Variants in CSDC2 observed in about 807,000 individuals in gnomAD.
CSDC2 encodes cold shock domain-containing protein C2.
In CSDC2, 8 loss-of-function variants were observed where a neutral mutation model predicts 15.8. That is an observed-to-expected ratio of 0.51 (90% CI 0.30 to 0.92). CSDC2 has a LOEUF of 0.92. Among genes scored for constraint, CSDC2 ranks in the 40% least tolerant of loss-of-function variants. CSDC2 has a pLI of 0.07. For missense variants in CSDC2, 195 were observed against 213.3 expected, an observed-to-expected ratio of 0.91 and a Z score of 0.53; for synonymous variants, 96 against 92.3, an observed-to-expected ratio of 1.04 and a Z score of -0.23.
chr22:41,576,650 C>A lies in CSDC2; in HGVS notation c.*1755C>A, dbSNP rs1319184004. 6.3e-6 allele frequency: 1 copy of A among 158,274 alleles called. No homozygotes were observed. Among genetic ancestry groups the A allele is most frequent in the African/African-American group, 2.4e-5 (1 of 41,460 alleles). 9.8% of individuals were successfully genotyped at this position (158,274 alleles called of 1,614,324 possible). On this transcript the variant is annotated 3_prime_UTR_variant, in exon 4 of 4. Coordinates refer to ENST00000306149, the MANE Select transcript of CSDC2 (RefSeq NM_014460.4). ...ATTCTTCCTAACACTGGCAATAAAC[C>A]CTCAACTGTGACCCACCGTGGCCTG...
At chr22:41,561,919 C>A (rs1281166252) in intron 1 of CSDC2, among the ~76,000 whole-genome samples, 1 of 152,176 alleles carries the variant, frequency 6.6e-6, no homozygotes, top group Non-Finnish European at 1.5e-5. Flanking sequence ...TGGTGCCAAG[C>A]CCATGAATGG....
chr22:41,565,495 C>T (rs2067109651), intron 1 of CSDC2, among the ~76,000 whole-genome samples: 1 of 149,746 alleles, frequency 6.7e-6, no homozygotes, highest in Admixed American at 6.6e-5. Flanking sequence ...GGCACAGTGA[C>T]TCACACTGTA....
intron 2 of CSDC2, 101 bp downstream of exon 2, chr22:41,572,242 G>A (rs764555852): frequency 2.9e-4 from 304 of 1,054,786 alleles, no homozygotes; most frequent in Non-Finnish European, 3.5e-4. Flanking sequence ...TGGGACAGGG[G>A]AACTGTGTGT....
intron 1 of CSDC2, among the ~76,000 whole-genome samples, chr22:41,564,477 G>A (rs1601990894): frequency 6.6e-6 from 1 of 151,916 alleles, no homozygotes; most frequent in African/African-American, 2.4e-5. Flanking sequence ...AGCCAGGATG[G>A]TCTCAATCTC....
rs751752240 is a variant in CSDC2, at chr22:41,570,283, T to A, written c.-123-1560T>A. Among the ~76,000 whole-genome samples, 4 of 152,204 alleles carry A rather than the reference T, an allele frequency of 2.6e-5. 1 individual carries two copies. Among genetic ancestry groups the A allele is most frequent in the Non-Finnish European group, 5.9e-5 (4 of 67,992 alleles). ...CTTCCTGACTGGAGGGGGAGGGTTT[T>A]GGGAGGAGGGAGGATACTACTCCAC... On this transcript the variant is annotated intron_variant, in intron 1 of 3. Coordinates refer to ENST00000306149, the MANE Select transcript of CSDC2 (RefSeq NM_014460.4).
At chr22:41,563,915 C>CAA (rs1293335770) in intron 1 of CSDC2, among the ~76,000 whole-genome samples, 40 of 124,856 alleles carry the variant, frequency 3.2e-4, no homozygotes, top group African/African-American at 1.1e-3. Flanking sequence ...ACTAAAAATA[C>CAA]AAAAAAAAAA....
rs2067173772 is a variant in CSDC2, at chr22:41,576,067, C to T, written c.*1172C>T. 1 of 152,256 alleles carries T rather than the reference C, an allele frequency of 6.6e-6. No homozygotes were observed. The highest frequency in any genetic ancestry group is 6.5e-5 in the Admixed American group (1 of 15,288). The allele number at this position is 152,256 out of a possible 1,614,324, so 9.4% of individuals were successfully genotyped here. On this transcript the variant is annotated 3_prime_UTR_variant, in exon 4 of 4. Transcript: ENST00000306149. ...GGTGCACCCCCTGCCTACCACCCTC[C>T]CTTCTAGAGAGCACATCGCCTGACC...
chr22:41,566,143 T>TAA (rs35579661), intron 1 of CSDC2, among the ~76,000 whole-genome samples: 4 of 103,302 alleles, frequency 3.9e-5, no homozygotes, highest in African/African-American at 7.5e-5. Context: ...CATCTCTGAT[T>TAA]AAAAAAAAAA....
chr22:41,562,605 A>T (rs920104974), intron 1 of CSDC2, among the ~76,000 whole-genome samples: 4 of 152,054 alleles, frequency 2.6e-5, no homozygotes, highest in African/African-American at 9.7e-5. Flanking sequence ...GACACCTGCC[A>T]GCCAGTCTGG....
chr22:41,564,423 G>C (rs922579561), intron 1 of CSDC2, among the ~76,000 whole-genome samples: 4 of 151,822 alleles, frequency 2.6e-5, no homozygotes, highest in Non-Finnish European at 5.9e-5. Context: ...ACCACGCCCA[G>C]TTAATTTTTT....
intron 1 of CSDC2, among the ~76,000 whole-genome samples, chr22:41,566,728 A>C (rs905344472): frequency 2.6e-5 from 4 of 151,528 alleles, no homozygotes; most frequent in Admixed American, 2.0e-4. Flanking sequence ...TCACGAGGTC[A>C]GGAGATCGAG....
intron 1 of CSDC2, among the ~76,000 whole-genome samples, chr22:41,566,710 C>A (rs892462304): frequency 2.7e-5 from 4 of 150,522 alleles, no homozygotes; most frequent in African/African-American, 9.8e-5. Flanking sequence ...GAGGCCGAGG[C>A]GGGCAGATCA....
chr22:41,564,280 GAC>G (rs1371151704), intron 1 of CSDC2, among the ~76,000 whole-genome samples: 1 of 151,252 alleles, frequency 6.6e-6, no homozygotes, highest in South Asian at 2.1e-4. Context: ...TTGTTTTTGA[GAC>G]AGAGTCTTGC....
intron 1 of CSDC2, among the ~76,000 whole-genome samples, chr22:41,568,042 C>T (rs546686510): frequency 6.2e-4 from 94 of 152,234 alleles, no homozygotes; most frequent in East Asian, 1.9e-4. Flanking sequence ...GCGCCCAGCG[C>T]CTACTCAGTG....
At chr22:41,562,327 C>T (rs1482150736) in intron 1 of CSDC2, among the ~76,000 whole-genome samples, 1 of 150,714 alleles carries the variant, frequency 6.6e-6, no homozygotes, top group Admixed American at 6.8e-5. Context: ...TTTGCCCTGC[C>T]GCCCCCCATT....
intron 1 of CSDC2, among the ~76,000 whole-genome samples, chr22:41,568,951 GC>G (rs1475832364): frequency 6.6e-6 from 1 of 152,246 alleles, no homozygotes; most frequent in Non-Finnish European, 1.5e-5. Context: ...CCCCAGCTCA[GC>G]CGCGTCTCCC....
At chr22:41,564,060 G>A (rs998223499) in intron 1 of CSDC2, among the ~76,000 whole-genome samples, 1 of 146,598 alleles carries the variant, frequency 6.8e-6, no homozygotes, top group African/African-American at 2.5e-5. Flanking sequence ...CTCCAGCCTG[G>A]GCGACACAGC....
At chr22:41,571,723 T>G in intron 1 of CSDC2, 120 bp from the exon 2 acceptor site, 178 of 342,542 alleles carry the variant, frequency 5.2e-4, no homozygotes, top group Middle Eastern at 1.6e-3. Context: ...ATGGGGTCGT[T>G]TGTGACTTGA....
At chr22:41,562,884 C>T (rs2067094642) in intron 1 of CSDC2, among the ~76,000 whole-genome samples, 1 of 152,134 alleles carries the variant, frequency 6.6e-6, no homozygotes, top group African/African-American at 2.4e-5. Flanking sequence ...AGTTCAAGTT[C>T]AGATGCTGTA....
Sources: gnomAD v4.1 joint callset for allele counts (sites outside exome capture counted in the v4.1 genomes callset) on GRCh38, gnomAD v4.1.1 for gene constraint, MANE v1.5 for transcripts, NCBI Gene and HGNC (gene_info 2026-07-23, HGNC 2026-07-21) for gene names.